BPNT1: variants seen among roughly 807,000 people sequenced by gnomAD.
BPNT1 encodes the protein 3'(2'),5'-bisphosphate nucleotidase 1.
Under a neutral mutation model 36.9 loss-of-function variants are expected in BPNT1, and 28 were observed. The observed-to-expected ratio is 0.76, with a 90% confidence interval of 0.56 to 1.04. The LOEUF (loss-of-function observed/expected upper bound fraction) is 1.04. Among genes scored for constraint, BPNT1 ranks in the 50% least tolerant of loss-of-function variants. The probability of loss-of-function intolerance (pLI) is 0.00; values close to 1 mark genes in which losing one functional copy is unlikely to be tolerated. For synonymous variants in BPNT1, 119 were observed against 130.9 expected, an observed-to-expected ratio of 0.91 and a Z score of 0.62; for missense variants, 313 against 372.9, an observed-to-expected ratio of 0.84 and a Z score of 1.32.
rs779210199 is a variant in BPNT1 at position 220,062,980 on chromosome 1, A to T, written c.475-26T>A. 3 of 1,606,886 alleles carry T rather than the reference A, an allele frequency of 1.9e-6. No homozygotes were observed. In the Admixed American group the frequency reaches 5.0e-5, roughly 27 times the overall value. The stretch of plus-strand genomic sequence containing the variant: ...CTGTGTAAACGAGTGAAACAACAAG[A>T]CTTGTGGTTATTTGGAGAAGAACGT... On this transcript the variant is annotated intron_variant, in intron 6 of 8. Coordinates refer to ENST00000322067, the MANE Select transcript of BPNT1 (RefSeq NM_006085.6).
rs909735716 is a variant in BPNT1, at chr1:220,073,294, A to AT, written c.226-338dup. 1.6e-3 allele frequency among the ~76,000 whole-genome samples: 240 copies of AT among 145,784 alleles called. 1 individual carries two copies. The highest frequency in any genetic ancestry group is 3.0e-3 in the African/African-American group (121 of 40,148). On this transcript the variant is annotated intron_variant, in intron 3 of 8. Transcript: ENST00000322067. ...GTCAGTTCCCTCACTTTCTTTTTTT[A>AT]TTTTTTTTTTTTGAGACGGAGTCTT...
intron 2 of BPNT1, among the ~76,000 whole-genome samples, chr1:220,076,759 A>T (rs1486361701): frequency 6.6e-6 from 1 of 151,148 alleles, no homozygotes; most frequent in Non-Finnish European, 1.5e-5. Flanking sequence ...AAGCAGCAGT[A>T]TTATTTCGTT....
chr1:220,079,861 A>T lies in BPNT1; in HGVS notation c.-8-7T>A. ...CTGGAAGCCATGGTACACTCTAAAAAGAGATCAAGAAAAATGTCTTGTTAG... is the reference window on the plus strand; with the variant it reads ...CTGGAAGCCATGGTACACTCTAAAATGAGATCAAGAAAAATGTCTTGTTAG... On this transcript the variant is annotated splice_region_variant and splice_polypyrimidine_tract_variant and intron_variant, in intron 1 of 8. Coordinates refer to ENST00000322067, the MANE Select transcript of BPNT1 (RefSeq NM_006085.6). 1 of 1,605,930 alleles carries T rather than the reference A, an allele frequency of 6.2e-7. No individual in the cohort carries two copies. The highest frequency in any genetic ancestry group is 8.5e-7 in the Non-Finnish European group (1 of 1,177,002).
chr1:220,080,835 T>C (rs1270036917), intron 1 of BPNT1, among the ~76,000 whole-genome samples: 1 of 152,196 alleles, frequency 6.6e-6, no homozygotes, highest in Non-Finnish European at 1.5e-5. Context: ...TCTTCGTCAG[T>C]AGCCAGATAA....
At chr1:220,082,220 G>C (rs1246218315) in intron 1 of BPNT1, among the ~76,000 whole-genome samples, 1 of 146,374 alleles carries the variant, frequency 6.8e-6, no homozygotes, top group African/African-American at 2.5e-5. Flanking sequence ...TTGCTCTGTC[G>C]CCCAGGCTGG....
At chr1:220,084,983 C>A (rs1297215669) in intron 1 of BPNT1, among the ~76,000 whole-genome samples, 1 of 151,516 alleles carries the variant, frequency 6.6e-6, no homozygotes, top group Non-Finnish European at 1.5e-5. Context: ...CTGGTCCAAA[C>A]TGAATTAGTA....
intron 2 of BPNT1, among the ~76,000 whole-genome samples, chr1:220,078,615 G>C (rs1417440063): frequency 6.9e-6 from 1 of 144,062 alleles, no homozygotes; most frequent in African/African-American, 2.6e-5. Context: ...ATATTTTTTT[G>C]AGATGTAGTC....
At chr1:220,087,037 A>C (rs1336945571) in intron 1 of BPNT1, among the ~76,000 whole-genome samples, 2 of 137,314 alleles carry the variant, frequency 1.5e-5, no homozygotes. Flanking sequence ...ACAGAGCAAG[A>C]CTCCGTCTCA....
intron 7 of BPNT1, among the ~76,000 whole-genome samples, 171 bp downstream of exon 7, chr1:220,062,586 T>C (rs1370430539): frequency 2.6e-5 from 4 of 152,128 alleles, no homozygotes; most frequent in Non-Finnish European, 5.9e-5. Flanking sequence ...CTATTGTGAA[T>C]AGTGCCACAA....
In BPNT1 at chr1:220,086,339, C is replaced by T. The variant is rs111806722; in HGVS notation, c.-9+3347G>A. Among the ~76,000 whole-genome samples the T allele has an allele frequency of 2.9e-3, 444 of 152,264 alleles. 3 individuals carry two copies. Among genetic ancestry groups the T allele is most frequent in the African/African-American group, 9.8e-3 (406 of 41,546 alleles). Reference sequence around the variant, plus strand: ...AGGCTAAAGTGCGGTGGCCTGATATCGGCTCACTGCAACTTCCGCCCCCTA... The same window carrying T: ...AGGCTAAAGTGCGGTGGCCTGATATTGGCTCACTGCAACTTCCGCCCCCTA... On this transcript the variant is annotated intron_variant, in intron 1 of 8. Coordinates refer to ENST00000322067, the MANE Select transcript of BPNT1 (RefSeq NM_006085.6).
chr1:220,084,614 GA>G (rs1046372056), intron 1 of BPNT1, among the ~76,000 whole-genome samples: 14 of 152,110 alleles, frequency 9.2e-5, no homozygotes, highest in African/African-American at 1.4e-4. Flanking sequence ...ACTTTTCATA[GA>G]TATCATTTAC....
intron 4 of BPNT1, 105 bp downstream of exon 4, chr1:220,072,745 C>A: frequency 1.1e-6 from 1 of 888,796 alleles, no homozygotes; most frequent in African/African-American, 1.7e-5. Context: ...CTGGTTGCCC[C>A]TATTTTATAA....
In BPNT1 at chr1:220,063,420, G is replaced by A. The variant is rs543980645; in HGVS notation, c.475-466C>T. ...AGAACTTCTCCTGAGAGAATCTGCT[G>A]ATTATTATCATTACTGTTCTGGTTA... On this transcript the variant is annotated intron_variant, in intron 6 of 8. Coordinates refer to ENST00000322067, the MANE Select transcript of BPNT1 (RefSeq NM_006085.6). 2.8e-4 allele frequency among the ~76,000 whole-genome samples: 42 copies of A among 152,300 alleles called. No individual in the cohort carries two copies. The East Asian group carries it at 6.2e-3, about 22-fold the overall frequency.
chr1:220,064,871 G>A (rs944653195), intron 6 of BPNT1, among the ~76,000 whole-genome samples: 5 of 152,020 alleles, frequency 3.3e-5, no homozygotes, highest in Admixed American at 2.6e-4. Context: ...GCAGTGGTGC[G>A]ATCTCGGCTC....
intron 8 of BPNT1, among the ~76,000 whole-genome samples, chr1:220,059,243 C>CTTTTTTT (rs11292010): frequency 9.0e-4 from 52 of 57,842 alleles, no homozygotes; most frequent in East Asian, 3.1e-3. Flanking sequence ...ATTTTCTTTT[C>CTTTTTTT]TTTTTTTTTT....
At chr1:220,073,871 T>TA in intron 3 of BPNT1, 96 bp downstream of exon 3, 1 of 1,074,416 alleles carries the variant, frequency 9.3e-7, no homozygotes, top group Non-Finnish European at 1.4e-6. Flanking sequence ...ATATAATGCT[T>TA]AAAATCATAA....
At chr1:220,062,468 T>C (rs1663136782) in intron 7 of BPNT1, among the ~76,000 whole-genome samples, 1 of 152,118 alleles carries the variant, frequency 6.6e-6, no homozygotes, top group African/African-American at 2.4e-5. Context: ...ACAAAGGACA[T>C]GAACTCATCA....
chr1:220,088,269 G>C (rs1490096657), intron 1 of BPNT1, among the ~76,000 whole-genome samples: 1 of 151,406 alleles, frequency 6.6e-6, no homozygotes, highest in African/African-American at 2.4e-5. Flanking sequence ...CAAGGCAGGT[G>C]AATCACCTGA....
chr1:220,066,321 C>T (rs1185690597), intron 6 of BPNT1, among the ~76,000 whole-genome samples: 2 of 152,124 alleles, frequency 1.3e-5, no homozygotes, highest in East Asian at 3.8e-4. Context: ...ACAGTATCAA[C>T]ATTAAAATCA....
Sources: gnomAD v4.1 joint callset for allele counts (sites outside exome capture counted in the v4.1 genomes callset) on GRCh38, gnomAD v4.1.1 for gene constraint, MANE v1.5 for transcripts, NCBI Gene and HGNC (gene_info 2026-07-23, HGNC 2026-07-21) for gene names.